FMNL2: variants seen among roughly 807,000 people sequenced by gnomAD.
FMNL2 encodes the protein formin like 2, also known as formin-like protein 2.
A neutral mutation model predicts 130.2 loss-of-function variants in FMNL2; 51 were observed. That is an observed-to-expected ratio of 0.39 (90% CI 0.31 to 0.49). FMNL2 has a LOEUF of 0.49. Ranked by LOEUF, FMNL2 falls within the 20% of genes least tolerant of loss-of-function variation. The probability of loss-of-function intolerance (pLI) is 0.85; values close to 1 mark genes in which losing one functional copy is unlikely to be tolerated. For synonymous variants in FMNL2, 465 were observed against 467.1 expected, an observed-to-expected ratio of 1.00 and a Z score of 0.06; for missense variants, 977 against 1,316.2, an observed-to-expected ratio of 0.74 and a Z score of 3.99.
chr2:152,531,742 G>A (rs1399630960), intron 2 of FMNL2, among the ~76,000 whole-genome samples: 1 of 152,144 alleles, frequency 6.6e-6, no homozygotes, highest in East Asian at 1.9e-4. Context: ...TTACAGGCGT[G>A]AACTACTGTA....
intron 1 of FMNL2, among the ~76,000 whole-genome samples, chr2:152,507,339 C>T (rs1041839121): frequency 6.6e-6 from 1 of 152,182 alleles, no homozygotes; most frequent in African/African-American, 2.4e-5. Flanking sequence ...CTAAGATGCT[C>T]CAGCACTTTA....
chr2:152,597,863 T>C (rs1349578396), intron 9 of FMNL2, among the ~76,000 whole-genome samples: 1 of 152,200 alleles, frequency 6.6e-6, no homozygotes, highest in African/African-American at 2.4e-5. Flanking sequence ...ATCCTTCTGC[T>C]TAAGACCCAG....
intron 1 of FMNL2, among the ~76,000 whole-genome samples, chr2:152,471,136 A>C (rs1265844654): frequency 1.3e-5 from 2 of 151,114 alleles, no homozygotes; most frequent in African/African-American, 4.9e-5. Flanking sequence ...CTAATTTTCA[A>C]AGCTGTGTGA....
intron 1 of FMNL2, among the ~76,000 whole-genome samples, chr2:152,336,558 A>G (rs577206848): frequency 3.9e-5 from 6 of 152,108 alleles, no homozygotes; most frequent in Non-Finnish European, 7.4e-5. Flanking sequence ...GGACTCTGAA[A>G]ACTCCCCTCT....
intron 2 of FMNL2, among the ~76,000 whole-genome samples, chr2:152,534,507 A>G (rs1034103393): frequency 1.3e-5 from 2 of 151,952 alleles, no homozygotes; most frequent in African/African-American, 2.4e-5. Context: ...AATTGAAAAT[A>G]TTAGTGCTCT....
chr2:152,621,166 C>T, intron 15 of FMNL2: 1 of 981,078 alleles, frequency 1.0e-6, no homozygotes, highest in Non-Finnish European at 1.2e-6. Context: ...TTGGTAGCCC[C>T]CAAGGCGCAC....
At chr2:152,389,105 ATT>A (rs34284075) in intron 1 of FMNL2, among the ~76,000 whole-genome samples, 37,773 of 150,508 alleles carry the variant, frequency 0.25, 5,642 homozygotes, top group African/African-American at 0.42. Flanking sequence ...TGAAAGGAGC[ATT>A]TTTTTTTTCT....
intron 1 of FMNL2, among the ~76,000 whole-genome samples, chr2:152,362,452 C>A (rs1439189281): frequency 6.6e-6 from 1 of 152,072 alleles, no homozygotes; most frequent in African/African-American, 2.4e-5. Context: ...AATGGAGTAA[C>A]CCCTGTAGAG....
intron 1 of FMNL2, among the ~76,000 whole-genome samples, chr2:152,347,114 C>T (rs2105757307): frequency 6.6e-6 from 1 of 151,302 alleles, no homozygotes; most frequent in East Asian, 2.0e-4. Flanking sequence ...TTTTTTTTCA[C>T]AAACCAGACA....
chr2:152,472,415 T>C (rs1689909548), intron 1 of FMNL2, among the ~76,000 whole-genome samples: 1 of 152,196 alleles, frequency 6.6e-6, no homozygotes, highest in South Asian at 2.1e-4. Flanking sequence ...ATTTTTTTCT[T>C]TTAAAAGAAC....
At chr2:152,568,138 G>A (rs932083972) in intron 6 of FMNL2, among the ~76,000 whole-genome samples, 2 of 151,790 alleles carry the variant, frequency 1.3e-5, no homozygotes, top group African/African-American at 4.8e-5. Context: ...AGAAATAAGT[G>A]TATATTGTTG....
chr2:152,419,960 A>C (rs1343758643), intron 1 of FMNL2, among the ~76,000 whole-genome samples: 1 of 152,212 alleles, frequency 6.6e-6, no homozygotes, highest in Non-Finnish European at 1.5e-5. Context: ...CCAATTTATC[A>C]TCCTTCCCTC....
At chr2:152,578,438 T>G (rs16831392) in intron 7 of FMNL2, among the ~76,000 whole-genome samples, 23,992 of 152,136 alleles carry the variant, frequency 0.16, 2,230 homozygotes, top group African/African-American at 0.25. Flanking sequence ...TCGGAGTAAA[T>G]GTTTTGTTTA....
chr2:152,341,530 C>T (rs946089019), intron 1 of FMNL2, among the ~76,000 whole-genome samples: 3 of 152,190 alleles, frequency 2.0e-5, no homozygotes, highest in Admixed American at 2.0e-4. Flanking sequence ...GGCAGGAGAC[C>T]TAGTTTCTAG....
intron 9 of FMNL2, among the ~76,000 whole-genome samples, chr2:152,598,830 G>A (rs1697896094): frequency 6.6e-6 from 1 of 152,206 alleles, no homozygotes; most frequent in South Asian, 2.1e-4. Context: ...AGATATAAGA[G>A]GAAACATTAT....
intron 1 of FMNL2, among the ~76,000 whole-genome samples, chr2:152,480,633 TAAAAAAAAAAAA>T (rs58943356): frequency 2.1e-4 from 8 of 37,392 alleles, no homozygotes; most frequent in East Asian, 1.1e-3. Context: ...AGACTCTGTC[TAAAAAAAAAAAA>T]AAAAAAAAAA....
intron 1 of FMNL2, chr2:152,390,431 C>A: frequency 8.4e-7 from 1 of 1,193,224 alleles, no homozygotes; most frequent in Non-Finnish European, 1.3e-6. Flanking sequence ...ACCCTAAGAT[C>A]AATACCAAGA....
chr2:152,515,194 A>C (rs16831262), intron 1 of FMNL2, among the ~76,000 whole-genome samples: 3,317 of 152,232 alleles, frequency 0.022, 124 homozygotes, highest in African/African-American at 0.077. Flanking sequence ...TACTTTCCGT[A>C]GCAAAAAGTA....
chr2:152,612,152 T>A (rs1187032407), intron 11 of FMNL2, among the ~76,000 whole-genome samples: 1 of 152,204 alleles, frequency 6.6e-6, no homozygotes, highest in East Asian at 1.9e-4. Flanking sequence ...AGTTTCCCTT[T>A]TTCTCACTCC....
Sources: gnomAD v4.1 joint callset for allele counts (sites outside exome capture counted in the v4.1 genomes callset) on GRCh38, gnomAD v4.1.1 for gene constraint, MANE v1.5 for transcripts, NCBI Gene and HGNC (gene_info 2026-07-23, HGNC 2026-07-21) for gene names.